Variants in CDH11 observed in about 807,000 individuals in gnomAD.
CDH11 encodes the protein cadherin 11, also known as cadherin-11.
A neutral mutation model predicts 67.8 loss-of-function variants in CDH11; 11 were observed. The ratio of observed to expected loss-of-function variants is 0.16; its 90% confidence interval spans 0.10 to 0.27. The LOEUF (loss-of-function observed/expected upper bound fraction) is 0.27, where lower values mean the gene tolerates loss of function less well. Ranked by LOEUF, CDH11 falls within the 10% of genes least tolerant of loss-of-function variation. The pLI is 1.00. For synonymous variants in CDH11, 419 were observed against 400.0 expected (o/e 1.05, Z -0.57); for missense variants, 847 against 1,031.2 (o/e 0.82, Z 2.45).
intron 1 of CDH11, among the ~76,000 whole-genome samples, chr16:65,057,272 C>T (rs1011432152): frequency 5.9e-5 from 9 of 152,298 alleles, no homozygotes; most frequent in African/African-American, 1.9e-4. Flanking sequence ...ACACTCCAGC[C>T]TTGCTGCACC....
At chr16:64,971,448 T>C (rs1225808427) in intron 11 of CDH11, 131 bp downstream of exon 11, 3 of 610,476 alleles carry the variant, frequency 4.9e-6, no homozygotes, top group Non-Finnish European at 8.7e-6. Context: ...AGAGGTGGCA[T>C]TATTATTTCC....
intron 3 of CDH11, among the ~76,000 whole-genome samples, chr16:65,000,475 A>C (rs1280503026): frequency 6.6e-6 from 1 of 152,180 alleles, no homozygotes; most frequent in Non-Finnish European, 1.5e-5. Context: ...TTTGTAAACT[A>C]GAGAGCTTTA....
intron 8 of CDH11, among the ~76,000 whole-genome samples, chr16:64,974,175 A>C (rs2072095788): frequency 6.6e-6 from 1 of 151,960 alleles, no homozygotes. Context: ...TCTTGTTTTA[A>C]TGGGTCTGTT....
Position 64,950,876 on chromosome 16 carries a change from G to A in CDH11, c.1785C>T (p.Cys595=), listed in dbSNP as rs749618882. 6.2e-6 allele frequency: 10 copies of A among 1,614,088 alleles called. No individual in the cohort carries two copies. The Admixed American group carries it at 1.0e-4, about 16-fold the overall frequency. Reference sequence around the variant, plus strand: ...AGGAGAGCAGTGCCCCGTTCACGTCGCACCCGCAGACTTTGATGGTGAGGG... The same window carrying A: ...AGGAGAGCAGTGCCCCGTTCACGTCACACCCGCAGACTTTGATGGTGAGGG... The part of the protein sequence containing the change: ...TNTLTIKVCG[C]DVNGALLSCN... Residue 595 remains cysteine (C), a synonymous_variant, in exon 12 of 13, where the codon TGC becomes TGT. Coordinates refer to ENST00000268603, the MANE Select transcript of CDH11 (RefSeq NM_001797.4).
intron 2 of CDH11, among the ~76,000 whole-genome samples, chr16:65,015,030 A>ATTATTAT (rs1555519285): frequency 6.8e-6 from 1 of 146,664 alleles, no homozygotes; most frequent in African/African-American, 2.5e-5. Context: ...TATTATTATT[A>ATTATTAT]TTATTATTAT....
At position 64,948,006 on chromosome 16, in the gene CDH11, T is replaced by C; in HGVS notation, c.1988A>G (p.Tyr663Cys). 6.2e-7 allele frequency: 1 copy of C among 1,614,170 alleles called. No individual in the cohort carries two copies. Among genetic ancestry groups the C allele is most frequent in the Non-Finnish European group, 8.5e-7 (1 of 1,180,018 alleles). ...TTCTTCCCCACCCCCTTCATCATCA[T>C]AAGTAATGATGTTCTCACGGACATC... ...EEDVRENIIT[Y>C]DDEGGGEEDT... is the part of the protein sequence containing the mutation. The change falls in exon 13 of 13, where the codon TAT (tyrosine) becomes TGT (cysteine). Residue 663 changes from tyrosine to cysteine, a missense_variant. By Grantham distance (194) the Tyr-to-Cys change is radical. This residue lies in a region of CDH11 where 612 missense variants were observed against 678.7 expected (regional missense o/e 0.90). Coordinates refer to ENST00000268603, the MANE Select transcript of CDH11 (RefSeq NM_001797.4).
chr16:65,012,511 T>C (rs1268260208), intron 2 of CDH11, among the ~76,000 whole-genome samples: 2 of 152,188 alleles, frequency 1.3e-5, no homozygotes, highest in African/African-American at 4.8e-5. Flanking sequence ...TGACTAATGT[T>C]TCAATGAAAT....
Position 64,971,961 on chromosome 16 carries a change from C to A in CDH11, c.1494G>T (p.Glu498Asp), listed in dbSNP as rs1454519834. Residue 498 changes from glutamate (E) to aspartate (D), a missense_variant, in exon 10 of 13, where the codon GAG becomes GAT. Glu to Asp is a conservative substitution (Grantham distance 45). Coordinates refer to ENST00000268603, the MANE Select transcript of CDH11 (RefSeq NM_001797.4). ...TGGAAAGTGGCTTGGTCTGATCACT[C>A]TCACAGATGAAACCTTCATAAGGGG... ...FAAPYEGFIC[E>D]SDQTKPLSNQ... The A allele has an allele frequency of 1.2e-6, 2 of 1,613,924 alleles. No homozygotes were observed. The highest frequency in any genetic ancestry group is 3.3e-5 in the Admixed American group (2 of 59,978).
rs138901999 is a variant in CDH11 at position 65,097,842 on chromosome 16, T to A, written c.-298+24038A>T. ...TGATCAGAAAAGTTAAGATAAAAAA[T>A]TTTTAAAAATAAGAGGAAATTCAGC... On this transcript the variant is annotated intron_variant, in intron 1 of 12. Coordinates refer to ENST00000268603, the MANE Select transcript of CDH11 (RefSeq NM_001797.4). 5.6e-3 allele frequency among the ~76,000 whole-genome samples: 847 copies of A among 152,206 alleles called. 10 individuals carry two copies. Among genetic ancestry groups the A allele is most frequent in the African/African-American group, 0.02 (813 of 41,540 alleles).
intron 1 of CDH11, among the ~76,000 whole-genome samples, chr16:65,094,154 G>A (rs75114377): frequency 0.064 from 9,768 of 152,216 alleles, 508 homozygotes; most frequent in African/African-American, 0.15. Context: ...TAAAGAAAGT[G>A]GGATGAAGGG....
rs1005925059 is a variant in CDH11, at chr16:64,945,395, G to A, written c.*2208C>T. 36 of 1,028,800 alleles carry A rather than the reference G, an allele frequency of 3.5e-5. No homozygotes were observed. The highest frequency in any genetic ancestry group is 4.0e-5 in the Non-Finnish European group (34 of 855,362). 63.7% of individuals were successfully genotyped at this position (1,028,800 alleles called of 1,614,324 possible). A position where few individuals can be genotyped will look rare whatever the true frequency, so the allele number is the denominator to read the frequency against. On this transcript the variant is annotated 3_prime_UTR_variant, in exon 13 of 13. Coordinates refer to ENST00000268603, the MANE Select transcript of CDH11 (RefSeq NM_001797.4). ...AAAAAAGACTTCAACATAAAAATGC[G>A]AAAATGTAGTTGTCATCTCTAATCC...
At chr16:65,063,247 A>T (rs1232364219) in intron 1 of CDH11, among the ~76,000 whole-genome samples, 1 of 151,988 alleles carries the variant, frequency 6.6e-6, no homozygotes, top group African/African-American at 2.4e-5. Context: ...CAAAACACAT[A>T]TTCTCAAGGA....
intron 2 of CDH11, among the ~76,000 whole-genome samples, chr16:65,022,339 A>C (rs2142582193): frequency 6.6e-6 from 1 of 152,240 alleles, no homozygotes; most frequent in East Asian, 1.9e-4. Flanking sequence ...ACAATTCACT[A>C]TTTTATAAAA....
At chr16:64,971,558 C>T (rs370410162) in intron 11 of CDH11, 21 bp downstream of exon 11, 518 of 1,398,468 alleles carry the variant, frequency 3.7e-4, no homozygotes, top group Admixed American at 3.8e-4. Flanking sequence ...TCTCTGAATG[C>T]GTAGGAACCT....
intron 7 of CDH11, among the ~76,000 whole-genome samples, chr16:64,984,219 C>T (rs2072426951): frequency 6.6e-6 from 1 of 152,182 alleles, no homozygotes; most frequent in African/African-American, 2.4e-5. Flanking sequence ...CATTTCCCTC[C>T]CCAGCGAGGT....
intron 3 of CDH11, among the ~76,000 whole-genome samples, chr16:64,999,718 A>G (rs2072870845): frequency 6.6e-6 from 1 of 152,002 alleles, no homozygotes; most frequent in African/African-American, 2.4e-5. Context: ...TATTTTTAGT[A>G]GAGACAGGGT....
intron 2 of CDH11, among the ~76,000 whole-genome samples, chr16:65,026,951 C>T (rs2073545897): frequency 6.6e-6 from 1 of 152,172 alleles, no homozygotes; most frequent in African/African-American, 2.4e-5. Flanking sequence ...ATGGACCCAG[C>T]TCAACAGGAG....
At position 64,945,717 on chromosome 16, in the gene CDH11, A is replaced by G; in HGVS notation, c.*1886T>C. ...AAGTGTTCAGCCCAATTTGATTTCA[A>G]TGCAAAGTAAAATGGAAGTGAGCAC... On this transcript the variant is annotated 3_prime_UTR_variant, in exon 13 of 13. Transcript: ENST00000268603. The G allele has an allele frequency of 9.6e-7, 1 of 1,042,074 alleles. No individual in the cohort carries two copies. Among genetic ancestry groups the G allele is most frequent in the Non-Finnish European group, 1.2e-6 (1 of 864,612 alleles). 64.6% of individuals were successfully genotyped at this position (1,042,074 alleles called of 1,614,324 possible). A position where few individuals can be genotyped will look rare whatever the true frequency, so the allele number is the denominator to read the frequency against.
chr16:65,032,445 G>A (rs1409117039), intron 2 of CDH11, among the ~76,000 whole-genome samples: 1 of 151,778 alleles, frequency 6.6e-6, no homozygotes. Context: ...AGCCAACATT[G>A]CGCCACTACA....
Sources: gnomAD v4.1 joint callset for allele counts (sites outside exome capture counted in the v4.1 genomes callset) on GRCh38, gnomAD v4.1.1 for gene constraint, gnomAD v4.1.1 regional missense constraint, MANE v1.5 for transcripts, NCBI Gene and HGNC (gene_info 2026-07-23, HGNC 2026-07-21) for gene names.